Variants in ST8SIA4 observed in about 807,000 individuals in gnomAD.
The protein encoded by ST8SIA4 is CMP-N-acetylneuraminate-poly-alpha-2,8-sialyltransferase.
A neutral mutation model predicts 33.9 loss-of-function variants in ST8SIA4; 15 were observed. The observed-to-expected ratio is 0.44, with a 90% CI of 0.30 to 0.68. ST8SIA4 has a LOEUF of 0.68. Ranked by LOEUF, ST8SIA4 falls within the 30% of genes least tolerant of loss-of-function variation. The probability of loss-of-function intolerance (pLI) is 0.10; values close to 1 mark genes in which losing one functional copy is unlikely to be tolerated. For synonymous variants in ST8SIA4, 171 were observed against 151.2 expected, an observed-to-expected ratio of 1.13 and a Z score of -0.96; for missense variants, 321 against 428.0, an observed-to-expected ratio of 0.75 and a Z score of 2.21.
At chr5:100,891,545 C>T (rs1314706568) in intron 2 of ST8SIA4, among the ~76,000 whole-genome samples, 2 of 151,890 alleles carry the variant, frequency 1.3e-5, no homozygotes, top group African/African-American at 4.8e-5. Flanking sequence ...CAAAAAAAAT[C>T]TTAAACACAA....
intron 1 of ST8SIA4, among the ~76,000 whole-genome samples, chr5:100,899,215 T>C (rs1311055278): frequency 6.6e-6 from 1 of 152,216 alleles, no homozygotes; most frequent in Non-Finnish European, 1.5e-5. Flanking sequence ...TATAAAAATT[T>C]AAATAAAGAA....
chr5:100,883,129 A>G (rs1752463050), intron 3 of ST8SIA4, among the ~76,000 whole-genome samples: 1 of 152,202 alleles, frequency 6.6e-6, no homozygotes, highest in African/African-American at 2.4e-5. Flanking sequence ...CTAGTGCGTG[A>G]AAGAAACTGG....
intron 2 of ST8SIA4, among the ~76,000 whole-genome samples, chr5:100,892,942 A>G (rs1032896897): frequency 3.3e-5 from 5 of 152,112 alleles, no homozygotes; most frequent in Non-Finnish European, 5.9e-5. Context: ...ACCATGGCAC[A>G]TATGTACCTG....
rs533805323 is a variant in ST8SIA4, at chr5:100,844,239, T to C, written c.797+11864A>G. 2.0e-5 allele frequency among the ~76,000 whole-genome samples: 3 copies of C among 152,112 alleles called. No individual in the cohort carries two copies. In the South Asian group the frequency reaches 6.2e-4, roughly 31 times the overall value. On this transcript the variant is annotated intron_variant, in intron 4 of 4. Coordinates refer to ENST00000231461, the MANE Select transcript of ST8SIA4 (RefSeq NM_005668.6). ...AACAGTTGTGTAAGAATTTGCATCG[T>C]ATATAATGTGATTTGATTGATCTCA... is the stretch of plus-strand genomic sequence containing the variant.
intron 4 of ST8SIA4, among the ~76,000 whole-genome samples, chr5:100,847,772 C>T (rs529612697): frequency 9.2e-5 from 14 of 152,098 alleles, no homozygotes; most frequent in South Asian, 2.1e-4. Flanking sequence ...ATCCGTAAGA[C>T]GTAATTTTTC....
intron 4 of ST8SIA4, among the ~76,000 whole-genome samples, chr5:100,827,841 G>A (rs972972611): frequency 6.6e-6 from 1 of 152,074 alleles, no homozygotes; most frequent in Non-Finnish European, 1.5e-5. Flanking sequence ...AACAATCTAC[G>A]GCTCTACAAG....
At chr5:100,900,391 A>T (rs949343417) in intron 1 of ST8SIA4, 3 of 455,930 alleles carry the variant, frequency 6.6e-6, no homozygotes, top group African/African-American at 2.0e-5. Context: ...TGGCCTCTCC[A>T]CGTGGCTTGG....
intron 4 of ST8SIA4, among the ~76,000 whole-genome samples, chr5:100,820,525 T>C (rs1024011423): frequency 6.6e-6 from 1 of 152,098 alleles, no homozygotes; most frequent in Admixed American, 6.5e-5. Context: ...ACATGATGTT[T>C]TGATAATGCT....
intron 2 of ST8SIA4, among the ~76,000 whole-genome samples, chr5:100,891,527 C>G (rs1580485953): frequency 6.6e-6 from 1 of 151,986 alleles, no homozygotes; most frequent in East Asian, 1.9e-4. Flanking sequence ...GGAAAGACAT[C>G]TTAGTGTCAA....
At chr5:100,901,753 T>C (rs1224662439) in intron 1 of ST8SIA4, among the ~76,000 whole-genome samples, 1 of 152,306 alleles carries the variant, frequency 6.6e-6, no homozygotes, top group Non-Finnish European at 1.5e-5. Context: ...TGCATCTTGC[T>C]CGCTTAAATA....
intron 3 of ST8SIA4, among the ~76,000 whole-genome samples, chr5:100,869,454 G>A (rs1752149221): frequency 6.6e-6 from 1 of 152,020 alleles, no homozygotes; most frequent in South Asian, 2.1e-4. Flanking sequence ...ATCGACACTA[G>A]GTGTTATCAT....
intron 4 of ST8SIA4, among the ~76,000 whole-genome samples, chr5:100,815,903 A>C (rs766751768): frequency 1.3e-4 from 20 of 152,200 alleles, no homozygotes; most frequent in Non-Finnish European, 2.4e-4. Context: ...AGCTTGACAT[A>C]TAATAAGCAA....
In ST8SIA4 at chr5:100,839,331, G is replaced by T. The variant is rs1461530522; in HGVS notation, c.797+16772C>A. Among the ~76,000 whole-genome samples the T allele has an allele frequency of 2.6e-5, 4 of 151,882 alleles. No individual in the cohort carries two copies. In the East Asian group the frequency reaches 7.7e-4, roughly 29 times the overall value. On this transcript the variant is annotated intron_variant, in intron 4 of 4. Transcript: ENST00000231461. Reference sequence around the variant, plus strand: ...AATATGGCACACCATCAATCAATTTGCCAGAAAAGATCTTGATTTTGCTCT... The same window carrying T: ...AATATGGCACACCATCAATCAATTTTCCAGAAAAGATCTTGATTTTGCTCT...
intron 4 of ST8SIA4, chr5:100,849,134 C>T: frequency 3.1e-6 from 3 of 977,554 alleles, no homozygotes; most frequent in Non-Finnish European, 3.6e-6. Context: ...ACAGAGAATA[C>T]ATTCCTGAGG....
At chr5:100,831,499 C>T (rs979051461) in intron 4 of ST8SIA4, among the ~76,000 whole-genome samples, 9 of 151,970 alleles carry the variant, frequency 5.9e-5, no homozygotes, top group Non-Finnish European at 7.4e-5. Context: ...TTTTGAGGCA[C>T]AATTCTTTTC....
chr5:100,856,667 A>T (rs745692495), intron 3 of ST8SIA4, among the ~76,000 whole-genome samples: 29 of 152,214 alleles, frequency 1.9e-4, no homozygotes, highest in African/African-American at 5.3e-4. Context: ...CTTTGCTATT[A>T]TCTCATAAAA....
At chr5:100,820,465 A>G (rs1751013074) in intron 4 of ST8SIA4, among the ~76,000 whole-genome samples, 1 of 152,070 alleles carries the variant, frequency 6.6e-6, no homozygotes, top group East Asian at 1.9e-4. Flanking sequence ...TTTCAAATTT[A>G]CTTATTCATT....
intron 4 of ST8SIA4, among the ~76,000 whole-genome samples, chr5:100,824,555 A>C (rs1164994062): frequency 6.6e-6 from 1 of 152,120 alleles, no homozygotes; most frequent in African/African-American, 2.4e-5. Context: ...TGAAAAAAAA[A>C]GGCTTTTTAT....
chr5:100,817,762 A>C (rs962376594), intron 4 of ST8SIA4, among the ~76,000 whole-genome samples: 1 of 152,218 alleles, frequency 6.6e-6, no homozygotes, highest in Non-Finnish European at 1.5e-5. Flanking sequence ...CTTGCTGAGA[A>C]TAATTCACTC....
Sources: gnomAD v4.1 joint callset for allele counts (sites outside exome capture counted in the v4.1 genomes callset) on GRCh38, gnomAD v4.1.1 for gene constraint, MANE v1.5 for transcripts, NCBI Gene and HGNC (gene_info 2026-07-23, HGNC 2026-07-21) for gene names.